Variants in CPD observed in about 807,000 individuals in gnomAD.
The protein encoded by CPD is carboxypeptidase D.
Under a neutral mutation model 138.3 loss-of-function variants are expected in CPD, and 69 were observed. That is an observed-to-expected ratio of 0.50 (90% confidence interval 0.41 to 0.61). The LOEUF (loss-of-function observed/expected upper bound fraction) is 0.61, where lower values mean the gene tolerates loss of function less well. Among genes scored for constraint, CPD ranks in the 20% least tolerant of loss-of-function variants. The pLI is 0.00. For synonymous variants in CPD, 651 were observed against 642.1 expected, an observed-to-expected ratio of 1.01 and a Z score of -0.21; for missense variants, 1,432 against 1,733.3, an observed-to-expected ratio of 0.83 and a Z score of 3.09.
intron 2 of CPD, among the ~76,000 whole-genome samples, chr17:30,411,034 C>G (rs1468818712): frequency 6.6e-6 from 1 of 152,140 alleles, no homozygotes; most frequent in Non-Finnish European, 1.5e-5. Flanking sequence ...CCTTTAGGAG[C>G]TCTTGTAAGG....
At chr17:30,382,019 A>G (rs553069118) in intron 1 of CPD, among the ~76,000 whole-genome samples, 1 of 152,218 alleles carries the variant, frequency 6.6e-6, no homozygotes, top group Non-Finnish European at 1.5e-5. Context: ...GTTGACTCCT[A>G]TTTTTTTATA....
chr17:30,420,779 A>G (rs1912243910), intron 2 of CPD, 62 bp from the exon 3 acceptor site: 3 of 1,425,122 alleles, frequency 2.1e-6, no homozygotes, highest in Non-Finnish European at 2.9e-6. Flanking sequence ...TAATTTCTTC[A>G]GTCTTTTGGA....
At position 30,455,420 on chromosome 17, in the gene CPD, A is replaced by T. The variant is rs1462881928; in HGVS notation, c.3287A>T (p.Asp1096Val). ...GACTTTAGTCTTTCTGTTGCCTTAG[A>T]TGGTGGTTCCATGCTGGTCACATAT... Reference protein sequence around the residue: ...KQDFSLSVALDGGSMLVTYPY... With the variant: ...KQDFSLSVALVGGSMLVTYPY... The change falls in exon 15 of 21, where the codon GAT (aspartate) becomes GTT (valine). Residue 1096 changes from aspartate (D) to valine (V), a missense_variant. Around this residue, in one of 6 missense-constraint regions of CPD, gnomAD observed 366 missense variants for 518.8 expected, o/e 0.71. Coordinates refer to ENST00000225719, the MANE Select transcript of CPD (RefSeq NM_001304.5). 1.2e-6 allele frequency: 2 copies of T among 1,613,892 alleles called. No individual in the cohort carries two copies. The highest frequency in any genetic ancestry group is 1.7e-6 in the Non-Finnish European group (2 of 1,179,898).
intron 20 of CPD, among the ~76,000 whole-genome samples, chr17:30,463,582 A>G (rs1002730397): frequency 8.5e-5 from 13 of 152,346 alleles, no homozygotes; most frequent in Non-Finnish European, 1.9e-4. Context: ...GAAGGAAAAA[A>G]ATGTGGTAAA....
intron 17 of CPD, 192 bp downstream of exon 17, chr17:30,456,718 C>T (rs143668021): frequency 7.2e-5 from 35 of 488,610 alleles, no homozygotes; most frequent in Middle Eastern, 5.9e-4. Context: ...GGCAGACGCC[C>T]GTAATCCCAG....
chr17:30,461,112 T>C, intron 17 of CPD, 68 bp from the exon 18 acceptor site: 1 of 1,283,864 alleles, frequency 7.8e-7, no homozygotes, highest in Non-Finnish European at 1.1e-6. Context: ...ATTTGTTGTA[T>C]TACAAAGCCT....
intron 13 of CPD, among the ~76,000 whole-genome samples, chr17:30,449,990 C>T (rs1913125563): frequency 6.6e-6 from 1 of 151,618 alleles, no homozygotes; most frequent in African/African-American, 2.4e-5. Flanking sequence ...TAAAAATTTA[C>T]ATTCAATTTC....
chr17:30,379,685 GC>G lies in CPD; in HGVS notation c.708del (p.Glu237ArgfsTer26). 1 of 1,518,526 alleles carries G rather than the reference GC, an allele frequency of 6.6e-7. No homozygotes were observed. The highest frequency in any genetic ancestry group is 1.2e-5 in the South Asian group (1 of 81,116). 94.1% of individuals were successfully genotyped at this position (1,518,526 alleles called of 1,614,324 possible). On this transcript the variant is annotated frameshift_variant, in exon 1 of 21. Transcript: ENST00000225719. LOFTEE classifies it high-confidence loss of function. This position sits in a 1 kb window ranked among gnomAD's most constrained non-coding sequence, Gnocchi z 7.0. Reference sequence around the variant, plus strand: ...GCGAACCCCCCGCCCTGGACGAGGTGCCCGAGGTGCGCGCCCTCATCGAGTG... The same window carrying G: ...GCGAACCCCCCGCCCTGGACGAGGTGCCGAGGTGCGCGCCCTCATCGAGTG... Reference protein sequence around the residue: ...TGEPPALDEVPEVRALIEWIR... With the variant: ...TGEPPALDEVXEVRALIEWIR...
intron 2 of CPD, among the ~76,000 whole-genome samples, chr17:30,400,818 C>T (rs1165418290): frequency 1.4e-5 from 2 of 147,868 alleles, no homozygotes; most frequent in Non-Finnish European, 3.0e-5. Context: ...CCACCACGCC[C>T]GGTTAATTTT....
chr17:30,452,307 C>T (rs1489291314), intron 14 of CPD, among the ~76,000 whole-genome samples: 9 of 148,170 alleles, frequency 6.1e-5, no homozygotes, highest in African/African-American at 2.3e-4. Flanking sequence ...GAGACAGAGT[C>T]TCACTCTGTT....
intron 20 of CPD, 39 bp downstream of exon 20, chr17:30,462,508 C>A: frequency 6.9e-7 from 1 of 1,444,500 alleles, no homozygotes; most frequent in Non-Finnish European, 9.7e-7. Context: ...AAGTTAAAAA[C>A]AATCTTGACA....
At chr17:30,452,502 C>T (rs1304667958) in intron 14 of CPD, among the ~76,000 whole-genome samples, 1 of 150,044 alleles carries the variant, frequency 6.7e-6, no homozygotes, top group Non-Finnish European at 1.5e-5. Context: ...GAACTCCCGA[C>T]CTCGGGTGAT....
intron 6 of CPD, among the ~76,000 whole-genome samples, chr17:30,424,217 C>A (rs940703099): frequency 6.6e-6 from 1 of 152,100 alleles, no homozygotes; most frequent in Non-Finnish European, 1.5e-5. Flanking sequence ...TATTATCAAT[C>A]GAAAGGAATG....
In CPD at chr17:30,438,971, C is replaced by G; in HGVS notation, c.2128-4C>G. On this transcript the variant is annotated splice_region_variant and splice_polypyrimidine_tract_variant and intron_variant, in intron 8 of 20. Coordinates refer to ENST00000225719, the MANE Select transcript of CPD (RefSeq NM_001304.5). ...AGAAGTAAAGATTCTTTTTGTTTTT[C>G]CAGGAAAATTCCCAGATGTTTCAAG... 5 of 1,509,338 alleles carry G rather than the reference C, an allele frequency of 3.3e-6. No homozygotes were observed. The highest frequency in any genetic ancestry group is 4.5e-6 in the Non-Finnish European group (5 of 1,121,396). 93.5% of individuals were successfully genotyped at this position (1,509,338 alleles called of 1,614,324 possible).
rs913621682 is a variant in CPD at position 30,465,887 on chromosome 17, C to T, written c.*1073C>T. The T allele has an allele frequency of 1.3e-5, 2 of 152,556 alleles. No homozygotes were observed. The highest frequency in any genetic ancestry group is 2.1e-4 in the South Asian group (1 of 4,832). 9.5% of individuals were successfully genotyped at this position (152,556 alleles called of 1,614,324 possible). A position where few individuals can be genotyped will look rare whatever the true frequency, so the allele number is the denominator to read the frequency against. On this transcript the variant is annotated 3_prime_UTR_variant, in exon 21 of 21. Coordinates refer to ENST00000225719, the MANE Select transcript of CPD (RefSeq NM_001304.5). ...CATACTATTATTGAAATCGCTTGAC[C>T]GGTCTTGTTCACATAGGCCTCTGGG...
intron 17 of CPD, 45 bp from the exon 18 acceptor site, chr17:30,461,135 T>C (rs761548754): frequency 6.8e-7 from 1 of 1,475,474 alleles, no homozygotes; most frequent in Non-Finnish European, 9.2e-7. Context: ...TTCTTTCTTT[T>C]ACTTATTAAT....
chr17:30,407,992 T>C (rs1475132006), intron 2 of CPD, among the ~76,000 whole-genome samples: 1 of 152,236 alleles, frequency 6.6e-6, no homozygotes, highest in Non-Finnish European at 1.5e-5. Flanking sequence ...TTAATTTTTG[T>C]ATGAGGTGTA....
At position 30,449,805 on chromosome 17, in the gene CPD, C is replaced by T. The variant is rs1345575340; in HGVS notation, c.3069+57C>T. ...AAAGGAAAAAGCTCAACATTAATAT[C>T]AGGGCACCATTTTTAAAATTTTTAA... On this transcript the variant is annotated intron_variant, in intron 13 of 20. Coordinates refer to ENST00000225719, the MANE Select transcript of CPD (RefSeq NM_001304.5). 2.5e-5 allele frequency: 36 copies of T among 1,437,600 alleles called. No homozygotes were observed. The Middle Eastern group carries it at 7.3e-4, about 29-fold the overall frequency. The allele number at this position is 1,437,600 out of a possible 1,614,324, so 89.1% of individuals were successfully genotyped here.
chr17:30,382,139 G>A (rs1283884590), intron 1 of CPD, among the ~76,000 whole-genome samples: 2 of 152,106 alleles, frequency 1.3e-5, no homozygotes, highest in African/African-American at 4.8e-5. Flanking sequence ...ACAGTGTTGA[G>A]AGTGGGTGCA....
Sources: gnomAD v4.1 joint callset for allele counts (sites outside exome capture counted in the v4.1 genomes callset) on GRCh38, gnomAD v4.1.1 for gene constraint, gnomAD v4.1.1 regional missense constraint, Gnocchi (gnomAD v3.1) non-coding constraint, MANE v1.5 for transcripts, NCBI Gene and HGNC (gene_info 2026-07-23, HGNC 2026-07-21) for gene names.